ZNF800: variants seen among roughly 807,000 people sequenced by gnomAD.
The protein encoded by ZNF800 is zinc finger protein 800.
ZNF800 carries 13 observed loss-of-function variants against 59.5 expected under a neutral mutation model. The ratio of observed to expected loss-of-function variants is 0.22; its 90% confidence interval spans 0.14 to 0.35. The LOEUF (loss-of-function observed/expected upper bound fraction) is 0.35, where lower values mean the gene tolerates loss of function less well. Ranked by LOEUF, ZNF800 falls within the 10% of genes least tolerant of loss-of-function variation. The pLI is 1.00. For missense variants in ZNF800, 621 were observed against 783.7 expected, an observed-to-expected ratio of 0.79 and a Z score of 2.48; for synonymous variants, 266 against 265.7, an observed-to-expected ratio of 1.00 and a Z score of -0.01.
At chr7:127,356,499 C>A (rs1198844491) in intron 1 of ZNF800, among the ~76,000 whole-genome samples, 2 of 151,858 alleles carry the variant, frequency 1.3e-5, no homozygotes, top group Non-Finnish European at 2.9e-5. Context: ...CACCCAAATA[C>A]ACATATCTTC....
chr7:127,385,359 C>G (rs534199432), intron 3 of ZNF800, among the ~76,000 whole-genome samples: 2 of 152,254 alleles, frequency 1.3e-5, no homozygotes, highest in East Asian at 3.9e-4. Flanking sequence ...GGAATCACAG[C>G]AACCTAACAT....
chr7:127,367,240 A>G (rs777526883), downstream of ZNF800, among the ~76,000 whole-genome samples: 1 of 152,112 alleles, frequency 6.6e-6, no homozygotes, highest in Non-Finnish European at 1.5e-5. Flanking sequence ...TATATCTCCC[A>G]TATTTCCCCA....
chr7:127,379,751 T>C (rs1800898683), intron 3 of ZNF800, among the ~76,000 whole-genome samples: 2 of 151,062 alleles, frequency 1.3e-5, no homozygotes, highest in African/African-American at 4.9e-5. Context: ...TTATTCTCAA[T>C]AAACATCCAA....
chr7:127,358,979 A>G (rs568459537), intron 1 of ZNF800, among the ~76,000 whole-genome samples: 1 of 152,140 alleles, frequency 6.6e-6, no homozygotes, highest in Non-Finnish European at 1.5e-5. Context: ...CCCCAATCGT[A>G]TTTTTAAATA....
At chr7:127,389,248 A>T (rs556042064) in intron 2 of ZNF800, among the ~76,000 whole-genome samples, 1 of 152,296 alleles carries the variant, frequency 6.6e-6, no homozygotes, top group Non-Finnish European at 1.5e-5. Context: ...CAACTGATGG[A>T]GTTGTGTGAT....
At chr7:127,384,677 A>G (rs1344036425) in intron 3 of ZNF800, among the ~76,000 whole-genome samples, 2 of 152,306 alleles carry the variant, frequency 1.3e-5, no homozygotes, top group African/African-American at 4.8e-5. Flanking sequence ...TTTCCATGGT[A>G]TGAGAAAGAA....
chr7:127,373,326 G>A lies in ZNF800; in HGVS notation c.1994+16C>T. 6.4e-7 allele frequency: 1 copy of A among 1,551,254 alleles called. No homozygotes were observed. The highest frequency in any genetic ancestry group is 8.7e-7 in the Non-Finnish European group (1 of 1,152,400). On this transcript the variant is annotated intron_variant, in intron 5 of 5. Transcript: ENST00000265827. ...GATGGGGGGAAAAAAGCAAAACTCT[G>A]TTAACTGTTCCTCACCAGACAAGAG... is the stretch of plus-strand genomic sequence containing the variant.
In ZNF800 at chr7:127,374,071, G is replaced by A. The variant is rs750640466; in HGVS notation, c.1265C>T (p.Ser422Phe). 52 of 1,613,986 alleles carry A rather than the reference G, an allele frequency of 3.2e-5. No homozygotes were observed. Among genetic ancestry groups the A allele is most frequent in the Non-Finnish European group, 4.2e-5 (50 of 1,180,020 alleles). The change falls in exon 5 of 6, where the codon TCC becomes TTC. Residue 422 changes from serine (S) to phenylalanine (F), a missense_variant. Physicochemically the swap from Ser to Phe is radical, Grantham distance 155. Coordinates refer to ENST00000265827, the MANE Select transcript of ZNF800 (RefSeq NM_176814.5). ...TTCATTCTGTGGAGAATGGGTAATG[G>A]AAGGGGGTGAAGATTCTACAGAATC... ...PADSVESSPP[S>F]ITHSPQNELK...
At chr7:127,366,289 A>G (rs1800505804), downstream of ZNF800, among the ~76,000 whole-genome samples, 1 of 152,168 alleles carries the variant, frequency 6.6e-6, no homozygotes, top group Non-Finnish European at 1.5e-5. Context: ...TTGCACAGTA[A>G]GCCCAAATGT....
In ZNF800 at chr7:127,375,130, TATC is replaced by T. The variant is rs914329656; in HGVS notation, c.302-99_302-97del. 205 of 992,174 alleles carry T rather than the reference TATC, an allele frequency of 2.1e-4. No individual in the cohort carries two copies. The Middle Eastern group carries it at 2.9e-3, about 14-fold the overall frequency. The allele number at this position is 992,174 out of a possible 1,614,324, so 61.5% of individuals were successfully genotyped here. ...TATTATGAACCTCTATCTCAGAATA[TATC>T]ATATTACCAGTTTATTTTTATAAGA... On this transcript the variant is annotated intron_variant, in intron 4 of 5. Coordinates refer to ENST00000265827, the MANE Select transcript of ZNF800 (RefSeq NM_176814.5).
At chr7:127,351,371 T>G (rs189369583) in intron 1 of ZNF800, 17 of 152,354 alleles carry the variant, frequency 1.1e-4, no homozygotes, top group African/African-American at 4.1e-4. Flanking sequence ...TCTTCTGAAC[T>G]CTGACAATGG....
At chr7:127,390,515 A>G (rs982302953) in intron 2 of ZNF800, among the ~76,000 whole-genome samples, 1 of 152,210 alleles carries the variant, frequency 6.6e-6, no homozygotes, top group Non-Finnish European at 1.5e-5. Flanking sequence ...CCTTCTACTG[A>G]TAACATTTTT....
In ZNF800 at chr7:127,374,077, G is replaced by A. The variant is rs868595875; in HGVS notation, c.1259C>T (p.Pro420Leu). ...CTGTGGAGAATGGGTAATGGAAGGG[G>A]GTGAAGATTCTACAGAATCTGCTGG... ...VEPADSVESS[P>L]PSITHSPQNE... Residue 420 changes from proline (P) to leucine (L), a missense_variant, in exon 5 of 6, where the codon CCC becomes CTC. Transcript: ENST00000265827. The A allele has an allele frequency of 1.2e-6, 2 of 1,614,004 alleles. No individual in the cohort carries two copies. Among genetic ancestry groups the A allele is most frequent in the Non-Finnish European group, 8.5e-7 (1 of 1,179,992 alleles).
At chr7:127,368,006 G>A (rs577374330), downstream of ZNF800, among the ~76,000 whole-genome samples, 1 of 152,138 alleles carries the variant, frequency 6.6e-6, no homozygotes, top group South Asian at 2.1e-4. Context: ...AAAATAATAA[G>A]CCTCCCAAAT....
intron 2 of ZNF800, among the ~76,000 whole-genome samples, chr7:127,389,803 G>C (rs1021556776): frequency 4.6e-5 from 7 of 152,080 alleles, no homozygotes; most frequent in Admixed American, 6.5e-5. Context: ...TTTTGTCTGA[G>C]TTCCTGCTAG....
Position 127,392,520 on chromosome 7 carries a change from G to A in ZNF800, c.-519C>T. On this transcript the variant is annotated 5_prime_UTR_variant, in exon 1 of 6. Transcript: ENST00000265827. Reference sequence around the variant, plus strand: ...CGGTCCCTCAGGCTTTAGGAGAGGGGCGGAGAAAAATGGGGGTCTCCCCCA... The same window carrying A: ...CGGTCCCTCAGGCTTTAGGAGAGGGACGGAGAAAAATGGGGGTCTCCCCCA... The A allele has an allele frequency of 3.0e-6, 1 of 334,008 alleles. No individual in the cohort carries two copies. The highest frequency in any genetic ancestry group is 4.5e-5 in the East Asian group (1 of 22,068). 20.7% of individuals were successfully genotyped at this position (334,008 alleles called of 1,614,324 possible).
chr7:127,346,840 A>C (rs1353978864), exon 2 of ZNF800: 2 of 152,504 alleles, frequency 1.3e-5, no homozygotes, highest in African/African-American at 2.4e-5. Flanking sequence ...AGGAGAGGGG[A>C]ACTGGGCCCA....
chr7:127,349,575 A>C (rs567607070), intron 1 of ZNF800, among the ~76,000 whole-genome samples: 37 of 152,218 alleles, frequency 2.4e-4, no homozygotes, highest in Non-Finnish European at 4.6e-4. Flanking sequence ...AGATGACATA[A>C]GTAATCACAC....
intron 1 of ZNF800, among the ~76,000 whole-genome samples, chr7:127,357,412 G>C (rs1435900840): frequency 6.6e-6 from 1 of 151,888 alleles, no homozygotes; most frequent in Non-Finnish European, 1.5e-5. Context: ...TTAGACTCTG[G>C]CTATGGATAC....
Sources: gnomAD v4.1 joint callset for allele counts (sites outside exome capture counted in the v4.1 genomes callset) on GRCh38, gnomAD v4.1.1 for gene constraint, MANE v1.5 for transcripts, NCBI Gene and HGNC (gene_info 2026-07-23, HGNC 2026-07-21) for gene names.